The following SMYD3 variants were observed in gnomAD, a reference collection of about 807,000 sequenced individuals.
SMYD3 encodes the protein SET and MYND domain containing 3, also known as histone-lysine N-methyltransferase SMYD3.
In SMYD3, 36 loss-of-function variants were observed where a neutral mutation model predicts 57.7. That is an observed-to-expected ratio of 0.62 (90% CI 0.48 to 0.82). The LOEUF (loss-of-function observed/expected upper bound fraction) is 0.82. Among genes scored for constraint, SMYD3 ranks in the 40% least tolerant of loss-of-function variants. The pLI is 0.00. For missense variants in SMYD3, 515 were observed against 538.8 expected, an observed-to-expected ratio of 0.96 and a Z score of 0.44; for synonymous variants, 211 against 195.0, an observed-to-expected ratio of 1.08 and a Z score of -0.68.
At chr1:246,194,286 G>A (rs1477432879) in intron 5 of SMYD3, among the ~76,000 whole-genome samples, 2 of 107,632 alleles carry the variant, frequency 1.9e-5, no homozygotes, top group Non-Finnish European at 3.9e-5. Flanking sequence ...TTTTTTTTTT[G>A]ACATGGAGGC....
intron 1 of SMYD3, among the ~76,000 whole-genome samples, chr1:246,466,506 C>A (rs180766506): frequency 4.7e-4 from 71 of 152,236 alleles, no homozygotes; most frequent in Non-Finnish European, 9.7e-4. Context: ...AGAGGGACAA[C>A]AGACACTGGG....
intron 5 of SMYD3, among the ~76,000 whole-genome samples, chr1:245,963,767 G>T (rs1426967071): frequency 6.6e-6 from 1 of 152,154 alleles, no homozygotes; most frequent in Non-Finnish European, 1.5e-5. Context: ...CTTTGGCAGA[G>T]CCTAACCTAC....
intron 5 of SMYD3, among the ~76,000 whole-genome samples, chr1:246,071,265 G>A (rs1453758694): frequency 2.0e-5 from 3 of 152,130 alleles, no homozygotes; most frequent in African/African-American, 7.2e-5. Flanking sequence ...TGTGGGAGTG[G>A]GGATGTGTAA....
At chr1:246,383,564 C>T (rs1404283792) in intron 1 of SMYD3, among the ~76,000 whole-genome samples, 1 of 152,150 alleles carries the variant, frequency 6.6e-6, no homozygotes, top group South Asian at 2.1e-4. Context: ...GGATATGAAG[C>T]CTCTTTGGTT....
At chr1:246,074,312 T>C (rs1333706290) in intron 5 of SMYD3, among the ~76,000 whole-genome samples, 1 of 147,084 alleles carries the variant, frequency 6.8e-6, no homozygotes, top group African/African-American at 2.7e-5. Flanking sequence ...TAAAGCATGT[T>C]TTGCAAATAA....
At chr1:245,956,382 G>A (rs2057841599) in intron 5 of SMYD3, among the ~76,000 whole-genome samples, 1 of 152,202 alleles carries the variant, frequency 6.6e-6, no homozygotes, top group Non-Finnish European at 1.5e-5. Flanking sequence ...GCTCAGTCAA[G>A]ATCTGATATT....
At chr1:245,930,376 T>C in intron 5 of SMYD3, 1 of 342,552 alleles carries the variant, frequency 2.9e-6, no homozygotes, top group Non-Finnish European at 5.7e-6. Context: ...TAGCAACTTG[T>C]CTCTTACTCC....
At chr1:246,145,628 A>G (rs1376384620) in intron 5 of SMYD3, among the ~76,000 whole-genome samples, 1 of 152,252 alleles carries the variant, frequency 6.6e-6, no homozygotes, top group Admixed American at 6.5e-5. Context: ...GTGTGAACTC[A>G]GCCCACTTTC....
Position 245,913,267 on chromosome 1 carries a change from A to C in SMYD3, c.813+2263T>G, listed in dbSNP as rs562678826. Among the ~76,000 whole-genome samples the C allele has an allele frequency of 2.0e-5, 3 of 152,128 alleles. No homozygotes were observed. In the East Asian group the frequency reaches 5.8e-4, roughly 29 times the overall value. On this transcript the variant is annotated intron_variant, in intron 8 of 11. Transcript: ENST00000490107. ...CTCAGCAAACTATCGCAAGGACAAA[A>C]AACCAAACACCACATGTTCTCACTC...
intron 10 of SMYD3, among the ~76,000 whole-genome samples, chr1:245,830,222 T>C (rs953904565): frequency 6.6e-6 from 1 of 152,202 alleles, no homozygotes; most frequent in East Asian, 1.9e-4. Context: ...AAGACATACC[T>C]GAGACTGGGT....
Position 245,863,827 on chromosome 1 carries a change from T to C in SMYD3, c.873A>G (p.Lys291=). The C allele has an allele frequency of 1.9e-6, 3 of 1,614,142 alleles. No individual in the cohort carries two copies. Among genetic ancestry groups the C allele is most frequent in the Non-Finnish European group, 2.5e-6 (3 of 1,180,002 alleles). ...AGTGTGCCTTCAGTTCTTCAATTTT[T>C]TTCAGGGATTCTTGAACTTCCTTCC... ...QVWKEVQESL[K]KIEELKAHWK... is the part of the protein sequence containing the mutation. Residue 291 remains lysine, a synonymous_variant, in exon 9 of 12, where the codon AAA becomes AAG. Coordinates refer to ENST00000490107, the MANE Select transcript of SMYD3 (RefSeq NM_001167740.2).
At chr1:246,080,207 C>A (rs1253690879) in intron 5 of SMYD3, among the ~76,000 whole-genome samples, 1 of 132,516 alleles carries the variant, frequency 7.5e-6, no homozygotes, top group Non-Finnish European at 1.6e-5. Flanking sequence ...CTGTTAGGAA[C>A]TGGGTCACAC....
At chr1:246,105,424 T>C (rs2061100750) in intron 5 of SMYD3, among the ~76,000 whole-genome samples, 1 of 152,168 alleles carries the variant, frequency 6.6e-6, no homozygotes, top group Admixed American at 6.5e-5. Flanking sequence ...GTACAGACTC[T>C]AGCCTGCTAA....
chr1:245,890,757 A>C (rs945638984), intron 8 of SMYD3, among the ~76,000 whole-genome samples: 5 of 152,230 alleles, frequency 3.3e-5, no homozygotes, highest in Non-Finnish European at 7.3e-5. Flanking sequence ...TATATCGAAG[A>C]GGTATCTGCA....
intron 8 of SMYD3, among the ~76,000 whole-genome samples, chr1:245,906,777 GT>G (rs570782994): frequency 1.3e-5 from 2 of 152,140 alleles, no homozygotes; most frequent in Non-Finnish European, 2.9e-5. Flanking sequence ...TAAAGAAAAT[GT>G]GGTACATATA....
In SMYD3 at chr1:246,328,937, G is replaced by A. The variant is rs1223597658; in HGVS notation, c.394+1543C>T. On this transcript the variant is annotated intron_variant, in intron 4 of 11. Coordinates refer to ENST00000490107, the MANE Select transcript of SMYD3 (RefSeq NM_001167740.2). ...TTCCCACCTACGAGTGAGAATATGC[G>A]GTGTTTGGTTTTTTGTCCTTGCAAT... 4.6e-5 allele frequency among the ~76,000 whole-genome samples: 7 copies of A among 151,600 alleles called. 1 individual carries two copies. In the East Asian group the frequency reaches 7.8e-4, roughly 17 times the overall value.
At chr1:246,095,114 C>A (rs2060890938) in intron 5 of SMYD3, among the ~76,000 whole-genome samples, 1 of 152,158 alleles carries the variant, frequency 6.6e-6, no homozygotes, top group Non-Finnish European at 1.5e-5. Context: ...CACATATCAT[C>A]GCATCAATGA....
chr1:246,134,667 T>C (rs2061639750), intron 5 of SMYD3, among the ~76,000 whole-genome samples: 1 of 152,016 alleles, frequency 6.6e-6, no homozygotes, highest in South Asian at 2.1e-4. Flanking sequence ...TCCATCATAT[T>C]ATTTAAATAT....
At chr1:246,211,059 C>T (rs12143941) in intron 5 of SMYD3, among the ~76,000 whole-genome samples, 26,949 of 152,056 alleles carry the variant, frequency 0.18, 2,766 homozygotes, top group East Asian at 0.34. Context: ...TCCAAGGTAT[C>T]ATTTTCAAAT....
Sources: allele counts gnomAD v4.1 joint callset (sites outside exome capture counted in the v4.1 genomes callset), GRCh38; gene constraint gnomAD v4.1.1; transcripts MANE v1.5; gene names NCBI Gene and HGNC (gene_info 2026-07-23, HGNC 2026-07-21).